The following EPS15 variants were observed in gnomAD, a reference collection of about 807,000 sequenced individuals.
EPS15 encodes the protein epidermal growth factor receptor substrate 15.
In EPS15, 72 loss-of-function variants were observed where a neutral mutation model predicts 113.8. The observed-to-expected ratio is 0.63, with a 90% CI of 0.52 to 0.77. The LOEUF (loss-of-function observed/expected upper bound fraction) is 0.77, where lower values mean the gene tolerates loss of function less well. Ranked by LOEUF, EPS15 falls within the 30% of genes least tolerant of loss-of-function variation. The pLI is 0.00. For missense variants in EPS15, 1,048 were observed against 1,045.8 expected (o/e 1.00, Z -0.03); for synonymous variants, 344 against 363.4 (o/e 0.95, Z 0.61).
At chr1:51,459,168 A>G (rs534944664) in intron 8 of EPS15, 1 of 152,370 alleles carries the variant, frequency 6.6e-6, no homozygotes, top group East Asian at 1.9e-4. Flanking sequence ...GGCCAAAAAC[A>G]AAAGAAAAAT....
At chr1:51,409,088 C>T (rs1649435588) in intron 14 of EPS15, among the ~76,000 whole-genome samples, 1 of 152,062 alleles carries the variant, frequency 6.6e-6, no homozygotes, top group African/African-American at 2.4e-5. Flanking sequence ...ACCCAACCAG[C>T]TTTCATATTT....
At chr1:51,392,117 G>A (rs892174601) in intron 21 of EPS15, among the ~76,000 whole-genome samples, 1 of 152,088 alleles carries the variant, frequency 6.6e-6, no homozygotes, top group African/African-American at 2.4e-5. Context: ...GAGAAAAAGA[G>A]GAAATATCAA....
intron 6 of EPS15, among the ~76,000 whole-genome samples, chr1:51,464,828 T>C (rs186879940): frequency 5.7e-4 from 87 of 152,342 alleles, no homozygotes; most frequent in African/African-American, 2.0e-3. Flanking sequence ...TAAGCATTTT[T>C]AAATTACAAG....
chr1:51,510,426 T>G (rs181332221), intron 1 of EPS15, among the ~76,000 whole-genome samples: 1 of 152,348 alleles, frequency 6.6e-6, no homozygotes, highest in East Asian at 1.9e-4. Context: ...TAATGCCTAC[T>G]TGTAGAAAGG....
chr1:51,493,528 TTAAATAAATAAATAAATAAATAAATAAA>T (rs200731991), intron 1 of EPS15, among the ~76,000 whole-genome samples: 4,224 of 133,404 alleles, frequency 0.032, 72 homozygotes, highest in African/African-American at 0.053. Context: ...CAGTCTCAAA[TTAAATAAATAAATAAATAAATAAATAAA>T]TAAATAAATA....
chr1:51,413,849 A>G (rs1157376238), intron 13 of EPS15, among the ~76,000 whole-genome samples: 1 of 152,060 alleles, frequency 6.6e-6, no homozygotes, highest in African/African-American at 2.4e-5. Context: ...CCTGGGCTCA[A>G]GTAATCTTCC....
chr1:51,450,094 A>C (rs1653414623), intron 8 of EPS15, among the ~76,000 whole-genome samples: 1 of 151,518 alleles, frequency 6.6e-6, no homozygotes, highest in Non-Finnish European at 1.5e-5. Flanking sequence ...AATAGCTCAG[A>C]ATTTGGAGAG....
chr1:51,382,446 T>G (rs1447951356), intron 21 of EPS15: 2 of 142,256 alleles, frequency 1.4e-5, no homozygotes, highest in Admixed American at 7.4e-5. Flanking sequence ...TGAGACAGAG[T>G]CTCGCTTTGT....
intron 22 of EPS15, among the ~76,000 whole-genome samples, chr1:51,364,366 C>T (rs1646459201): frequency 6.6e-6 from 1 of 151,872 alleles, no homozygotes; most frequent in African/African-American, 2.4e-5. Flanking sequence ...TTTCCGCAAA[C>T]GAATATCTGA....
chr1:51,519,117 A>T, intron 1 of EPS15, 82 bp downstream of exon 1: 1 of 993,040 alleles, frequency 1.0e-6, no homozygotes, highest in Non-Finnish European at 1.4e-6. Context: ...TTGGCCCACA[A>T]GCCAAGAAGT....
chr1:51,506,769 C>T (rs556056199), intron 1 of EPS15, among the ~76,000 whole-genome samples: 21 of 147,250 alleles, frequency 1.4e-4, no homozygotes, highest in African/African-American at 5.3e-4. Flanking sequence ...TACAAGGCGC[C>T]GCATAAAAGT....
rs1425877479 is a variant in EPS15 at position 51,355,080 on chromosome 1, T to C, written c.*1620A>G. 2 of 221,432 alleles carry C rather than the reference T, an allele frequency of 9.0e-6. No individual in the cohort carries two copies. Among genetic ancestry groups the C allele is most frequent in the African/African-American group, 4.5e-5 (2 of 44,674 alleles). The allele number at this position is 221,432 out of a possible 1,614,324, so 13.7% of individuals were successfully genotyped here. On this transcript the variant is annotated 3_prime_UTR_variant, in exon 25 of 25. Transcript: ENST00000371733. ...AAGCCTTGTGATTATGATTCAGCCC[T>C]TGCTTCATATGTATGACTTTTATGC...
In EPS15 at chr1:51,385,132, A is replaced by C. The variant is rs546884866; in HGVS notation, c.2119+9249T>G. Among the ~76,000 whole-genome samples, 5 of 152,328 alleles carry C rather than the reference A, an allele frequency of 3.3e-5. No homozygotes were observed. In the East Asian group the frequency reaches 9.6e-4, roughly 29 times the overall value. On this transcript the variant is annotated intron_variant, in intron 21 of 24. Transcript: ENST00000371733. ...TTTTGTTCACCAACGGACAGTACTA[A>C]CAGAATGAAAAGGTAACCCACAGGA...
chr1:51,416,919 TAC>T (rs1650274959), intron 13 of EPS15, among the ~76,000 whole-genome samples: 2 of 151,612 alleles, frequency 1.3e-5, no homozygotes, highest in African/African-American at 4.8e-5. Context: ...AATAATCAGA[TAC>T]ACTGTTTTAT....
chr1:51,468,894 G>A (rs1422052682), intron 4 of EPS15, among the ~76,000 whole-genome samples: 4 of 152,230 alleles, frequency 2.6e-5, no homozygotes, highest in East Asian at 1.9e-4. Flanking sequence ...TTGGGAGGCC[G>A]AGACGGGCAG....
intron 1 of EPS15, among the ~76,000 whole-genome samples, chr1:51,491,342 T>C (rs1319593191): frequency 6.6e-6 from 1 of 152,096 alleles, no homozygotes; most frequent in Non-Finnish European, 1.5e-5. Flanking sequence ...AACTCCCACC[T>C]CAACCACCAC....
intron 14 of EPS15, 101 bp downstream of exon 14, chr1:51,409,434 A>G (rs1018847847): frequency 2.6e-6 from 3 of 1,161,506 alleles, no homozygotes; most frequent in East Asian, 2.4e-5. Flanking sequence ...TGGATTGCCA[A>G]CCACCACCAT....
intron 1 of EPS15, among the ~76,000 whole-genome samples, chr1:51,484,659 G>A (rs1644087522): frequency 6.6e-6 from 1 of 152,154 alleles, no homozygotes; most frequent in Non-Finnish European, 1.5e-5. Flanking sequence ...CAACTTCTTT[G>A]CAAGGGGAGT....
chr1:51,497,793 A>G (rs888915733), intron 1 of EPS15, among the ~76,000 whole-genome samples: 6 of 152,158 alleles, frequency 3.9e-5, no homozygotes, highest in African/African-American at 1.4e-4. Flanking sequence ...CCTGGCCAAC[A>G]TGGTGAAACA....
Sources: gnomAD v4.1 joint callset for allele counts (sites outside exome capture counted in the v4.1 genomes callset) on GRCh38, gnomAD v4.1.1 for gene constraint, MANE v1.5 for transcripts, NCBI Gene and HGNC (gene_info 2026-07-23, HGNC 2026-07-21) for gene names.